FAT1: variants seen among roughly 807,000 people sequenced by gnomAD.
The protein encoded by FAT1 is protocadherin Fat 1.
In FAT1, 171 loss-of-function variants were observed where a neutral mutation model predicts 329.8. The observed-to-expected ratio is 0.52, with a 90% CI of 0.46 to 0.59. The LOEUF (loss-of-function observed/expected upper bound fraction) is 0.59, where lower values mean the gene tolerates loss of function less well. FAT1 is among the 20% of genes least tolerant of loss of function. The probability of loss-of-function intolerance (pLI) is 0.00; values close to 1 mark genes in which losing one functional copy is unlikely to be tolerated. For missense variants in FAT1, 5,672 were observed against 5,774.4 expected, an observed-to-expected ratio of 0.98 and a Z score of 0.57; for synonymous variants, 2,233 against 2,228.6, an observed-to-expected ratio of 1.00 and a Z score of -0.06.
At chr4:186,710,191 C>A (rs892998726) in intron 1 of FAT1, among the ~76,000 whole-genome samples, 1 of 152,006 alleles carries the variant, frequency 6.6e-6, no homozygotes, top group African/African-American at 2.4e-5. Flanking sequence ...CAAATATAAG[C>A]AACTGTTAAA....
intron 3 of FAT1, among the ~76,000 whole-genome samples, chr4:186,658,672 A>G (rs1370987377): frequency 6.6e-6 from 1 of 151,886 alleles, no homozygotes; most frequent in Non-Finnish European, 1.5e-5. Context: ...TTGGTCTCCA[A>G]CTCACCATTC....
chr4:186,621,191 C>A lies in FAT1; in HGVS notation c.5395G>T (p.Ala1799Ser), dbSNP rs780835115. The change falls in exon 10 of 27, where the codon GCT (alanine) becomes TCT (serine). Residue 1799 changes from alanine to serine, a missense_variant. Transcript: ENST00000441802. ...NVPLVIRAADADKDSNALLVY... is the reference protein window; with the variant it reads ...NVPLVIRAADSDKDSNALLVY... ...AGCAAAGCATTTGAGTCTTTATCAG[C>A]ATCAGCTGCTCGAATCACCAGTGGG... 10 of 1,614,008 alleles carry A rather than the reference C, an allele frequency of 6.2e-6. No individual in the cohort carries two copies. In the South Asian group the frequency reaches 1.1e-4, roughly 18 times the overall value.
chr4:186,630,667 G>A (rs1329892446), intron 7 of FAT1, among the ~76,000 whole-genome samples: 2 of 151,986 alleles, frequency 1.3e-5, no homozygotes, highest in Non-Finnish European at 2.9e-5. Flanking sequence ...AGCACCCTGC[G>A]GGTCACCTCA....
chr4:186,701,853 C>T (rs1486832785), intron 2 of FAT1, among the ~76,000 whole-genome samples: 1 of 152,260 alleles, frequency 6.6e-6, no homozygotes, highest in Non-Finnish European at 1.5e-5. Context: ...AACATTTTCC[C>T]TGACTGAGGT....
chr4:186,701,191 C>T (rs934739873), intron 2 of FAT1, among the ~76,000 whole-genome samples: 1 of 152,140 alleles, frequency 6.6e-6, no homozygotes, highest in African/African-American at 2.4e-5. Context: ...CTTAGGATTT[C>T]GACTAGATCC....
In FAT1 at chr4:186,617,870, C is replaced by A. The variant is rs1447424773; in HGVS notation, c.8716G>T (p.Val2906Phe). 6.2e-7 allele frequency: 1 copy of A among 1,613,994 alleles called. No homozygotes were observed. The highest frequency in any genetic ancestry group is 1.7e-5 in the Admixed American group (1 of 60,022). Reference sequence around the variant, plus strand: ...CTATCGTTGACATCGGTGACGGTAACATCCACAATGGCTGTGGAGGATAGC... The same window carrying A: ...CTATCGTTGACATCGGTGACGGTAAAATCCACAATGGCTGTGGAGGATAGC... ...IQLSSTAIVD[V>F]TVTDVNDSPP... The change falls in exon 10 of 27, where the codon GTT becomes TTT. Residue 2906 changes from valine to phenylalanine, a missense_variant. Val to Phe is a conservative substitution (Grantham distance 50). Coordinates refer to ENST00000441802, the MANE Select transcript of FAT1 (RefSeq NM_005245.4).
At chr4:186,649,818 G>C (rs1040118707) in intron 3 of FAT1, among the ~76,000 whole-genome samples, 1 of 152,070 alleles carries the variant, frequency 6.6e-6, no homozygotes, top group Non-Finnish European at 1.5e-5. Context: ...GCTTTATTGA[G>C]GTATAACTGA....
rs1553984440 is a variant in FAT1, at chr4:186,588,576, T to TGA, written c.*15_*16insTC. 1.3e-6 allele frequency: 2 copies of TGA among 1,599,036 alleles called. No homozygotes were observed. The highest frequency in any genetic ancestry group is 1.7e-6 in the Non-Finnish European group (2 of 1,172,774). On this transcript the variant is annotated 3_prime_UTR_variant, in exon 27 of 27. Coordinates refer to ENST00000441802, the MANE Select transcript of FAT1 (RefSeq NM_005245.4). ...CTAGGTTCACTAAAGTCAGGCACTT[T>TGA]GGGGGGAGTTGAGAGTCAGACTTCC...
Position 186,645,405 on chromosome 4 carries a change from AT to A in FAT1, c.3581-5623del, listed in dbSNP as rs1560962461. 3.3e-3 allele frequency among the ~76,000 whole-genome samples: 339 copies of A among 103,000 alleles called. 12 individuals are homozygous for A. The highest frequency in any genetic ancestry group is 0.012 in the African/African-American group (325 of 26,584). The allele number at this position is 103,000 out of a possible 152,430, so 67.6% of individuals were successfully genotyped here. A position where few individuals can be genotyped will look rare whatever the true frequency, so the allele number is the denominator to read the frequency against. On this transcript the variant is annotated intron_variant, in intron 3 of 26. Transcript: ENST00000441802. Reference sequence around the variant, plus strand: ...TATATATATATATATATATATATATATATATATATATATATATGCCTGTAAA... The same window carrying A: ...TATATATATATATATATATATATATAATATATATATATATATGCCTGTAAA...
At position 186,634,999 on chromosome 4, in the gene FAT1, T is replaced by C. The variant is rs531715090; in HGVS notation, c.4183+1026A>G. Reference sequence around the variant, plus strand: ...TTTTGAGCATCGTTAACTACGAAAATAGTCTCTTTTTCCCCTTCCCTTGAA... The same window carrying C: ...TTTTGAGCATCGTTAACTACGAAAACAGTCTCTTTTTCCCCTTCCCTTGAA... On this transcript the variant is annotated intron_variant, in intron 6 of 26. Transcript: ENST00000441802. 2.7e-4 allele frequency among the ~76,000 whole-genome samples: 41 copies of C among 152,336 alleles called. No homozygotes were observed. In the East Asian group the frequency reaches 7.7e-3, roughly 29 times the overall value.
intron 9 of FAT1, among the ~76,000 whole-genome samples, chr4:186,624,404 C>T (rs1054391934): frequency 6.6e-6 from 1 of 152,158 alleles, no homozygotes; most frequent in Non-Finnish European, 1.5e-5. Context: ...CCTCCGTTGA[C>T]TCTCAAGGCA....
At chr4:186,636,320 T>C (rs1740814624) in intron 5 of FAT1, 85 bp from the exon 6 acceptor site, 1 of 1,273,974 alleles carries the variant, frequency 7.8e-7, no homozygotes, top group East Asian at 2.3e-5. Context: ...TGGTTTGGTC[T>C]TAAACTGAGC....
chr4:186,588,805 A>G lies in FAT1; in HGVS notation c.13554T>C (p.Pro4518=). 6.2e-7 allele frequency: 1 copy of G among 1,614,008 alleles called. No homozygotes were observed. Among genetic ancestry groups the G allele is most frequent in the Non-Finnish European group, 8.5e-7 (1 of 1,179,900 alleles). Residue 4518 remains proline (P), a synonymous_variant, in exon 27 of 27, where the codon CCT becomes CCC. Transcript: ENST00000441802. ...AGTGTCTTTGATACCCTGGCGGGTA[A>G]GGGGCATGGGGTTCTCTACAAGTAC... ...ENSTCREPHA[P]YPPGYQRHFE...
rs1038589417 is a variant in FAT1 at position 186,706,926 on chromosome 4, C to A, written c.2902G>T (p.Asp968Tyr). The A allele has an allele frequency of 1.9e-6, 3 of 1,613,884 alleles. No individual in the cohort carries two copies. The highest frequency in any genetic ancestry group is 2.5e-6 in the Non-Finnish European group (3 of 1,179,898). ...QSGQVRYSLL[D>Y]HGEGNFDVDK... Reference sequence around the variant, plus strand: ...ACATCGAAGTTTCCTTCTCCGTGGTCCAGAAGGCTGTATCTCACCTGACCA... The same window carrying A: ...ACATCGAAGTTTCCTTCTCCGTGGTACAGAAGGCTGTATCTCACCTGACCA... Residue 968 changes from aspartate to tyrosine, a missense_variant, in exon 2 of 27, where the codon GAC (aspartate) becomes TAC (tyrosine). By Grantham distance (160) the Asp-to-Tyr change is radical. Coordinates refer to ENST00000441802, the MANE Select transcript of FAT1 (RefSeq NM_005245.4).
At chr4:186,661,018 C>T (rs1742143041) in intron 3 of FAT1, among the ~76,000 whole-genome samples, 2 of 152,196 alleles carry the variant, frequency 1.3e-5, no homozygotes, top group South Asian at 2.1e-4. Context: ...AGACAGAAGA[C>T]ACAAGAAAAT....
intron 1 of FAT1, among the ~76,000 whole-genome samples, chr4:186,719,279 A>G (rs946242944): frequency 2.6e-5 from 4 of 152,148 alleles, no homozygotes; most frequent in African/African-American, 9.7e-5. Context: ...CATCAAACCT[A>G]AGTTATACGA....
chr4:186,688,307 G>A (rs1385212237), intron 2 of FAT1, among the ~76,000 whole-genome samples: 1 of 152,054 alleles, frequency 6.6e-6, no homozygotes, highest in African/African-American at 2.4e-5. Flanking sequence ...CATTATGTGT[G>A]AAGGAATCTT....
At chr4:186,610,178 T>C (rs1739336191) in intron 14 of FAT1, 163 bp from the exon 15 acceptor site, 3 of 587,952 alleles carry the variant, frequency 5.1e-6, no homozygotes, top group Non-Finnish European at 9.0e-6. Flanking sequence ...AATTAAAAAC[T>C]ATGAATCTGC....
At chr4:186,617,420 G>A (rs911022967) in intron 10 of FAT1, among the ~76,000 whole-genome samples, 4 of 152,108 alleles carry the variant, frequency 2.6e-5, no homozygotes, top group African/African-American at 9.7e-5. Flanking sequence ...CATTTAGCCT[G>A]CATTAAAACT....
Sources: allele counts gnomAD v4.1 joint callset (sites outside exome capture counted in the v4.1 genomes callset), GRCh38; gene constraint gnomAD v4.1.1; transcripts MANE v1.5; gene names NCBI Gene and HGNC (gene_info 2026-07-23, HGNC 2026-07-21).